Variants in ECM2 observed in about 807,000 individuals in gnomAD.
ECM2 encodes the protein extracellular matrix protein 2.
ECM2 carries 57 observed loss-of-function variants against 67.5 expected under a neutral mutation model. The ratio of observed to expected loss-of-function variants is 0.84; its 90% CI spans 0.68 to 1.05. The LOEUF (loss-of-function observed/expected upper bound fraction) is 1.05. Ranked by LOEUF, ECM2 falls within the 50% of genes least tolerant of loss-of-function variation. The pLI is 0.00. For synonymous variants in ECM2, 258 were observed against 294.5 expected (o/e 0.88, Z 1.27); for missense variants, 741 against 822.8 (o/e 0.90, Z 1.22).
chr9:92,557,316 C>T, the ECM2 span, among the ~76,000 whole-genome samples: 4 of 152,158 alleles, frequency 2.6e-5, no homozygotes, highest in Admixed American at 1.3e-4. Context: ...GATCATTTTG[C>T]GATGAATTTC....
At chr9:92,500,073 A>G (rs992236726) in intron 9 of ECM2, among the ~76,000 whole-genome samples, 1 of 152,232 alleles carries the variant, frequency 6.6e-6, no homozygotes, top group Admixed American at 6.5e-5. Flanking sequence ...TTTATGCTTT[A>G]TAGATTAGTT....
intron 1 of ECM2, among the ~76,000 whole-genome samples, chr9:92,529,728 G>A (rs1588239241): frequency 6.6e-6 from 1 of 152,288 alleles, no homozygotes; most frequent in East Asian, 1.9e-4. Context: ...GCATATGTAT[G>A]ATTTCAACTC....
intron 3 of ECM2, chr9:92,516,570 A>C (rs1334950438): frequency 6.6e-6 from 1 of 152,224 alleles, no homozygotes; most frequent in Non-Finnish European, 1.5e-5. Flanking sequence ...GAAGAATAGG[A>C]AAAAGTTAGT....
chr9:92,521,915 G>A (rs1848091960), intron 2 of ECM2, among the ~76,000 whole-genome samples: 1 of 151,994 alleles, frequency 6.6e-6, no homozygotes, highest in African/African-American at 2.4e-5. Context: ...ATCTATGTTA[G>A]GATTACAACT....
chr9:92,513,048 A>G (rs1847452828), intron 4 of ECM2, among the ~76,000 whole-genome samples: 1 of 152,198 alleles, frequency 6.6e-6, no homozygotes, highest in South Asian at 2.1e-4. Flanking sequence ...CCATCTCTGC[A>G]CAAATGTGTT....
upstream of ECM2, among the ~76,000 whole-genome samples, chr9:92,537,710 C>G (rs1023006669): frequency 6.6e-6 from 1 of 152,042 alleles, no homozygotes; most frequent in Non-Finnish European, 1.5e-5. Context: ...GAGCAAACAC[C>G]ATTAAACAGG....
chr9:92,557,912 G>A, the ECM2 span, among the ~76,000 whole-genome samples: 3 of 152,166 alleles, frequency 2.0e-5, no homozygotes, highest in South Asian at 6.2e-4. Flanking sequence ...CAAAGTGCTG[G>A]GATTACAGGC....
At chr9:92,557,923 G>A in the ECM2 span, among the ~76,000 whole-genome samples, 6 of 152,234 alleles carry the variant, frequency 3.9e-5, no homozygotes, top group South Asian at 4.1e-4. Context: ...GATTACAGGC[G>A]TGAGCCACCG....
intron 1 of ECM2, among the ~76,000 whole-genome samples, chr9:92,532,015 G>GTTTTGTTTT (rs1848797660): frequency 2.1e-5 from 2 of 95,736 alleles, no homozygotes; most frequent in African/African-American, 1.2e-4. Context: ...TTTATTTAAT[G>GTTTTGTTTT]TTTTTTTTTT....
intron 7 of ECM2, 134 bp from the exon 8 acceptor site, chr9:92,502,786 C>T (rs1846764093): frequency 1.5e-6 from 1 of 685,932 alleles, no homozygotes; most frequent in South Asian, 2.9e-5. Flanking sequence ...TTCAAGTAAG[C>T]TCATATTTTT....
chr9:92,496,660 A>C (rs1452748302), intron 9 of ECM2, among the ~76,000 whole-genome samples, 177 bp from the exon 10 acceptor site: 1 of 152,218 alleles, frequency 6.6e-6, no homozygotes, highest in Non-Finnish European at 1.5e-5. Context: ...CCATAGAAGC[A>C]CTAGAACAGA....
At chr9:92,546,870 C>A in the ECM2 span, among the ~76,000 whole-genome samples, 2 of 152,250 alleles carry the variant, frequency 1.3e-5, no homozygotes, top group Middle Eastern at 3.4e-3. Context: ...ATATTGAGTT[C>A]ATAATTTCAA....
chr9:92,543,471 C>CAAA, the ECM2 span, among the ~76,000 whole-genome samples: 13 of 44,528 alleles, frequency 2.9e-4, no homozygotes, highest in South Asian at 1.1e-3. Flanking sequence ...AACCCTGTCT[C>CAAA]AAAAAAAAAA....
rs2131274730 is a variant in ECM2, at chr9:92,529,786, T to A, written c.-28+6147A>T. 1.3e-5 allele frequency among the ~76,000 whole-genome samples: 2 copies of A among 152,234 alleles called. 1 individual carries two copies. The highest frequency in any genetic ancestry group is 4.1e-4 in the South Asian group (2 of 4,830). ...AACTATGCAAGCTATAAAAGAATAG[T>A]GAATTTGGGGCGGAGAGGGATGAAT... On this transcript the variant is annotated intron_variant, in intron 1 of 9. Transcript: ENST00000344604.
chr9:92,501,561 T>C (rs546671311), intron 8 of ECM2, among the ~76,000 whole-genome samples: 9 of 152,282 alleles, frequency 5.9e-5, no homozygotes, highest in Non-Finnish European at 1.0e-4. Context: ...CCTGAGGGAA[T>C]CTAGAAAATG....
the ECM2 span, among the ~76,000 whole-genome samples, chr9:92,548,262 A>G: frequency 6.6e-6 from 1 of 152,148 alleles, no homozygotes; most frequent in Non-Finnish European, 1.5e-5. Flanking sequence ...TCTTGCTGGT[A>G]CTTTCTCTGC....
chr9:92,546,457 G>T, the ECM2 span, among the ~76,000 whole-genome samples: 6,064 of 152,094 alleles, frequency 0.04, 186 homozygotes, highest in South Asian at 0.098. Context: ...CTGCAGCTTC[G>T]CTCCTGAAGC....
chr9:92,515,349 G>T (rs1490963082), intron 3 of ECM2, 146 bp from the exon 4 acceptor site: 2 of 1,164,192 alleles, frequency 1.7e-6, no homozygotes, highest in Non-Finnish European at 2.2e-6. Context: ...TGAAATTCTT[G>T]CTTAAAAAGT....
rs1846311214 is a variant in ECM2 at position 92,495,699 on chromosome 9, G to A, written c.*616C>T. 1.1e-6 allele frequency: 1 copy of A among 891,248 alleles called. No individual in the cohort carries two copies. The highest frequency in any genetic ancestry group is 5.2e-5 in the South Asian group (1 of 19,292). The allele number at this position is 891,248 out of a possible 1,614,324, so 55.2% of individuals were successfully genotyped here. ...GCCAGCTTTCCTTAATGTTAACAATGTACATAACCATAATATGATTTTCAA... is the reference window on the plus strand; with the variant it reads ...GCCAGCTTTCCTTAATGTTAACAATATACATAACCATAATATGATTTTCAA... On this transcript the variant is annotated 3_prime_UTR_variant, in exon 10 of 10. Transcript: ENST00000344604.
Sources: allele counts gnomAD v4.1 joint callset (sites outside exome capture counted in the v4.1 genomes callset), GRCh38; gene constraint gnomAD v4.1.1; transcripts MANE v1.5; gene names NCBI Gene and HGNC (gene_info 2026-07-23, HGNC 2026-07-21).